The following CCER2 variants were observed in gnomAD, a reference collection of about 807,000 sequenced individuals.
The protein encoded by CCER2 is coiled-coil domain-containing glutamate-rich protein 2.
A neutral mutation model predicts 27.1 loss-of-function variants in CCER2; 20 were observed. That is an observed-to-expected ratio of 0.74 (90% confidence interval 0.52 to 1.07). CCER2 has a LOEUF of 1.07. Ranked by LOEUF, CCER2 falls within the 50% of genes least tolerant of loss-of-function variation. CCER2 has a pLI of 0.00. For synonymous variants in CCER2, 140 were observed against 144.3 expected (o/e 0.97, Z 0.21); for missense variants, 351 against 344.7 (o/e 1.02, Z -0.14).
intron 1 of CCER2, 104 bp downstream of exon 1, chr19:38,911,994 G>A (rs765464805): frequency 3.4e-6 from 5 of 1,473,448 alleles, no homozygotes; most frequent in East Asian, 2.5e-5. Flanking sequence ...CTGGAGGCTC[G>A]GCCCCTGAAG....
At chr19:38,910,469 G>A in intron 4 of CCER2, 94 bp downstream of exon 4, 1 of 1,413,234 alleles carries the variant, frequency 7.1e-7, no homozygotes, top group Non-Finnish European at 9.2e-7. Context: ...GTGGTGCAGG[G>A]CCAACACCGG....
chr19:38,911,450 C>T (rs536769193), intron 3 of CCER2, 116 bp downstream of exon 3: 3 of 876,914 alleles, frequency 3.4e-6, no homozygotes, highest in Non-Finnish European at 5.3e-6. Context: ...ATGAGGACCT[C>T]TTCCTCCAGG....
chr19:38,910,795 T>G lies in CCER2; in HGVS notation c.479A>C (p.Glu160Ala). 1.3e-6 allele frequency: 2 copies of G among 1,535,040 alleles called. No individual in the cohort carries two copies. The highest frequency in any genetic ancestry group is 1.7e-6 in the Non-Finnish European group (2 of 1,146,304). ...TFEDLWQRHL[E>A]NGGDLQKRVA... ...CCGCTTCTGGAGGTCCCCTCCATTC[T>G]CTAGATGCCGCTGCCACAGGTCCTC... is the stretch of plus-strand genomic sequence containing the variant. Residue 160 changes from glutamate (E) to alanine (A), a missense_variant, in exon 4 of 5, where the codon GAG (glutamate) becomes GCG (alanine). Transcript: ENST00000571838.
chr19:38,911,585 G>A lies in CCER2; in HGVS notation c.171C>T (p.Cys57=). 6.5e-7 allele frequency: 1 copy of A among 1,535,448 alleles called. No individual in the cohort carries two copies. Among genetic ancestry groups the A allele is most frequent in the Non-Finnish European group, 8.7e-7 (1 of 1,146,712 alleles). The change falls in exon 3 of 5, where the codon TGC becomes TGT. Residue 57 remains cysteine (C), a synonymous_variant. Transcript: ENST00000571838. The part of the protein sequence containing the change: ...LTVGQVQRGP[C]TALLHKELCG... ...CCTTACCCTTGTGGAGAAGAGCAGT[G>A]CAGGGTCCTCTCTGGACCTGGCCCA...
chr19:38,911,512 A>G, intron 3 of CCER2, 54 bp downstream of exon 3: 2 of 1,420,314 alleles, frequency 1.4e-6, no homozygotes, highest in Non-Finnish European at 1.9e-6. Flanking sequence ...TGGGTGGGGT[A>G]GGGTAGGGTC....
At chr19:38,909,698 G>A (rs911183021) in intron 4 of CCER2, among the ~76,000 whole-genome samples, 2 of 151,904 alleles carry the variant, frequency 1.3e-5, no homozygotes, top group South Asian at 4.1e-4. Context: ...TCAGCCTCCC[G>A]AGTAGCTGGG....
At chr19:38,911,685 G>A (rs1349684508) in intron 2 of CCER2, 32 bp from the exon 3 acceptor site, 1 of 1,532,648 alleles carries the variant, frequency 6.5e-7, no homozygotes, top group Admixed American at 2.0e-5. Context: ...TCAGAGGGGA[G>A]GTTGAGGGCA....
chr19:38,909,172 G>T lies in CCER2; in HGVS notation c.*64C>A. The T allele has an allele frequency of 6.7e-7, 1 of 1,481,524 alleles. No homozygotes were observed. The highest frequency in any genetic ancestry group is 9.1e-7 in the Non-Finnish European group (1 of 1,098,530). 91.8% of individuals were successfully genotyped at this position (1,481,524 alleles called of 1,614,324 possible). On this transcript the variant is annotated 3_prime_UTR_variant, in exon 5 of 5. Coordinates refer to ENST00000571838, the MANE Select transcript of CCER2 (RefSeq NM_001243212.2). ...GCGTGGGGTGCTAGGTGAGGTGGAG[G>T]CTTCGGGGTCAACAGTCCTAAGCCA...
At position 38,909,317 on chromosome 19, in the gene CCER2, C is replaced by T; in HGVS notation, c.720G>A (p.Glu240=). ...CTCTCAAGTGCTCCAGCTGCTCCAC[C>T]TCCTTTTCCTGGTGGGGTCAGAAAC... ...KEEASEREEK[E]VEQLEHLRDE... Residue 240 remains glutamate, a synonymous_variant, in exon 5 of 5, where the codon GAG becomes GAA. Coordinates refer to ENST00000571838, the MANE Select transcript of CCER2 (RefSeq NM_001243212.2). 2 of 1,535,548 alleles carry T rather than the reference C, an allele frequency of 1.3e-6. No individual in the cohort carries two copies. The highest frequency in any genetic ancestry group is 1.7e-6 in the Non-Finnish European group (2 of 1,146,748).
At position 38,909,345 on chromosome 19, in the gene CCER2, G is replaced by A. The variant is rs1974255849; in HGVS notation, c.712-20C>T. On this transcript the variant is annotated intron_variant, in intron 4 of 4. Transcript: ENST00000571838. ...CTTTTCCTGGTGGGGTCAGAAACGG[G>A]GTAGTCAGCACCCACCTTCAAAGGC... 3 of 1,534,934 alleles carry A rather than the reference G, an allele frequency of 2.0e-6. No individual in the cohort carries two copies. The highest frequency in any genetic ancestry group is 2.6e-6 in the Non-Finnish European group (3 of 1,146,270).
chr19:38,909,413 A>G (rs923038182), intron 4 of CCER2, 88 bp from the exon 5 acceptor site: 8 of 1,198,134 alleles, frequency 6.7e-6, no homozygotes, highest in East Asian at 2.8e-5. Context: ...GTCGGTTCTC[A>G]TAGTGGCATC....
chr19:38,910,691 G>A lies in CCER2; in HGVS notation c.583C>T (p.Arg195Cys), dbSNP rs569628536. ...CTCTCGGCCCCCTGCCACAGGCTGCGGTCCCCGCCCAGCACCCGCACCCCC... is the reference window on the plus strand; with the variant it reads ...CTCTCGGCCCCCTGCCACAGGCTGCAGTCCCCGCCCAGCACCCGCACCCCC... ...EKGVRVLGGD[R>C]SLWQGAERGG... Residue 195 changes from arginine to cysteine, a missense_variant, in exon 4 of 5, where the codon CGC (arginine) becomes TGC (cysteine). By Grantham distance (180) the Arg-to-Cys change is radical (BLOSUM62 -3). Coordinates refer to ENST00000571838, the MANE Select transcript of CCER2 (RefSeq NM_001243212.2). 188 of 1,533,390 alleles carry A rather than the reference G, an allele frequency of 1.2e-4. 1 individual carries two copies. The South Asian group carries it at 1.6e-3, about 13-fold the overall frequency. 95.0% of individuals were successfully genotyped at this position (1,533,390 alleles called of 1,614,324 possible). A position where few individuals can be genotyped will look rare whatever the true frequency, so the allele number is the denominator to read the frequency against.
intron 4 of CCER2, among the ~76,000 whole-genome samples, chr19:38,910,321 G>C (rs1157311917): frequency 6.6e-6 from 1 of 152,212 alleles, no homozygotes; most frequent in African/African-American, 2.4e-5. Context: ...ATGGTGGCTT[G>C]CTTCTGTGCA....
At position 38,910,836 on chromosome 19, in the gene CCER2, C is replaced by G; in HGVS notation, c.438G>C (p.Gly146=). 1 of 1,529,238 alleles carries G rather than the reference C, an allele frequency of 6.5e-7. No homozygotes were observed. The highest frequency in any genetic ancestry group is 8.7e-7 in the Non-Finnish European group (1 of 1,143,286). 94.7% of individuals were successfully genotyped at this position (1,529,238 alleles called of 1,614,324 possible). The change falls in exon 4 of 5, where the codon GGG becomes GGC. Residue 146 remains glycine (G), a synonymous_variant. Coordinates refer to ENST00000571838, the MANE Select transcript of CCER2 (RefSeq NM_001243212.2). ...ACAGGTCCTCAAAGGTCTCCATGGGCCCCCTCTTCCTCTCCTCCTTCTCCT... is the reference window on the plus strand; with the variant it reads ...ACAGGTCCTCAAAGGTCTCCATGGGGCCCCTCTTCCTCTCCTCCTTCTCCT... The part of the protein sequence containing the change: ...EEEEKEERKR[G]PMETFEDLWQ...
rs750823307 is a variant in CCER2, at chr19:38,909,364, C to T, written c.712-39G>A. 1.1e-5 allele frequency: 16 copies of T among 1,521,114 alleles called. No individual in the cohort carries two copies. In the South Asian group the frequency reaches 1.9e-4, roughly 18 times the overall value. 94.2% of individuals were successfully genotyped at this position (1,521,114 alleles called of 1,614,324 possible). ...AAACGGGGTAGTCAGCACCCACCTT[C>T]AAAGGCAGGCCACCTCGGTCACTGT... On this transcript the variant is annotated intron_variant, in intron 4 of 4. Transcript: ENST00000571838.
At chr19:38,910,430 G>A in intron 4 of CCER2, 133 bp downstream of exon 4, 1 of 1,293,744 alleles carries the variant, frequency 7.7e-7, no homozygotes, top group Non-Finnish European at 1.0e-6. Flanking sequence ...GTCAGTCTTG[G>A]CCACTGTGAT....
chr19:38,911,457 C>T (rs747652999), intron 3 of CCER2, 109 bp downstream of exon 3: 13 of 922,892 alleles, frequency 1.4e-5, no homozygotes, highest in Non-Finnish European at 2.1e-5. Context: ...CCTCTTCCTC[C>T]AGGTAGCCTG....
chr19:38,910,611 CTGGTGGTGGTGG>C lies in CCER2; in HGVS notation c.651_662del (p.His217_His220del), dbSNP rs144792695. On this transcript the variant is annotated inframe_deletion, in exon 4 of 5. Coordinates refer to ENST00000571838, the MANE Select transcript of CCER2 (RefSeq NM_001243212.2). ...TCTCCTGCCTGGGCTCAGCCTCTGG[CTGGTGGTGGTGG>C]TGGTGGTGGTGGGGCAAGTCCTCGC... The C allele has an allele frequency of 2.6e-5, 40 of 1,518,120 alleles. No individual in the cohort carries two copies. In the South Asian group the frequency reaches 4.7e-4, roughly 18 times the overall value. The allele number at this position is 1,518,120 out of a possible 1,614,324, so 94.0% of individuals were successfully genotyped here.
At chr19:38,910,064 G>A (rs751536227) in intron 4 of CCER2, among the ~76,000 whole-genome samples, 39 of 152,180 alleles carry the variant, frequency 2.6e-4, no homozygotes, top group Non-Finnish European at 5.3e-4. Flanking sequence ...GTAGAGTCAC[G>A]GTTTCACTAT....
Sources: gnomAD v4.1 joint callset for allele counts (sites outside exome capture counted in the v4.1 genomes callset) on GRCh38, gnomAD v4.1.1 for gene constraint, MANE v1.5 for transcripts, NCBI Gene and HGNC (gene_info 2026-07-23, HGNC 2026-07-21) for gene names.